The following PXDN variants were observed in gnomAD, a reference collection of about 807,000 sequenced individuals.
PXDN encodes the protein peroxidasin.
A neutral mutation model predicts 140.3 loss-of-function variants in PXDN; 77 were observed. That is an observed-to-expected ratio of 0.55 (90% CI 0.46 to 0.66). The LOEUF (loss-of-function observed/expected upper bound fraction) is 0.66, where lower values mean the gene tolerates loss of function less well. PXDN is among the 30% of genes least tolerant of loss of function. The pLI, the probability that PXDN is intolerant of heterozygous loss-of-function variation, is 0.00. For missense variants in PXDN, 1,838 were observed against 2,039.5 expected (o/e 0.90, Z 1.90); for synonymous variants, 911 against 857.4 (o/e 1.06, Z -1.09).
Position 1,653,058 on chromosome 2 carries a change from C to G in PXDN, c.2104+570G>C, listed in dbSNP as rs1683050900. On this transcript the variant is annotated intron_variant, in intron 16 of 22. Transcript: ENST00000252804. Reference sequence around the variant, plus strand: ...TATGGGTTCATCAATAGTACTACTACCAGCAAGGACAATCGTGACATGTAA... The same window carrying G: ...TATGGGTTCATCAATAGTACTACTAGCAGCAAGGACAATCGTGACATGTAA... 2.0e-5 allele frequency: 4 copies of G among 199,468 alleles called. No individual in the cohort carries two copies. The South Asian group carries it at 4.3e-4, about 21-fold the overall frequency. 12.4% of individuals were successfully genotyped at this position (199,468 alleles called of 1,614,324 possible). A position where few individuals can be genotyped will look rare whatever the true frequency, so the allele number is the denominator to read the frequency against.
intron 11 of PXDN, chr2:1,664,188 C>G (rs991284568): frequency 4.2e-5 from 7 of 166,848 alleles, no homozygotes; most frequent in African/African-American, 4.8e-5. Flanking sequence ...AAAGGGAAAT[C>G]CAGGGCGTGT....
At chr2:1,690,037 G>C (rs550600732) in intron 3 of PXDN, among the ~76,000 whole-genome samples, 39 of 152,316 alleles carry the variant, frequency 2.6e-4, no homozygotes, top group Middle Eastern at 6.8e-3. Context: ...AATTTCAGGA[G>C]AGCTCTTAAG....
In PXDN at chr2:1,638,764, ATG is replaced by A. The variant is rs1380308158; in HGVS notation, c.4206+80_4206+81del. On this transcript the variant is annotated intron_variant, in intron 21 of 22. Coordinates refer to ENST00000252804, the MANE Select transcript of PXDN (RefSeq NM_012293.3). ...AGTTGAACAGTTGCCTGGGAATAAA[ATG>A]CTATACCCAGAAGGTTCGGGCAGGG... 7.2e-4 allele frequency: 1,139 copies of A among 1,585,082 alleles called. 9 individuals carry two copies. The East Asian group carries it at 0.021, about 29-fold the overall frequency.
Position 1,694,457 on chromosome 2 carries a change from G to A in PXDN, c.201-1323C>T, listed in dbSNP as rs115092054. Among the ~76,000 whole-genome samples the A allele has an allele frequency of 3.0e-3, 456 of 152,260 alleles. 3 individuals carry two copies. The highest frequency in any genetic ancestry group is 0.011 in the African/African-American group (442 of 41,544). ...GTGAATGAAATGTGTCCCTCCCAGC[G>A]CCGCCCCTGTGCTGTGGGTCAAGTT... is the stretch of plus-strand genomic sequence containing the variant. On this transcript the variant is annotated intron_variant, in intron 1 of 22. Transcript: ENST00000252804.
chr2:1,642,676 T>C (rs1489251039), intron 19 of PXDN, among the ~76,000 whole-genome samples: 4 of 152,222 alleles, frequency 2.6e-5, no homozygotes, highest in Non-Finnish European at 2.9e-5. Flanking sequence ...TTCAAATTAG[T>C]AATGGAAATG....
chr2:1,655,006 G>A (rs1262943382), intron 14 of PXDN, among the ~76,000 whole-genome samples: 1 of 151,814 alleles, frequency 6.6e-6, no homozygotes, highest in Non-Finnish European at 1.5e-5. Context: ...TCATTACACA[G>A]GGAAACTCCC....
At chr2:1,720,281 CAG>C (rs370658721) in intron 1 of PXDN, among the ~76,000 whole-genome samples, 2 of 57,308 alleles carry the variant, frequency 3.5e-5, no homozygotes, top group Non-Finnish European at 3.3e-5. Context: ...GGGAGGGATG[CAG>C]AGAGAGAGAG....
Position 1,638,998 on chromosome 2 carries a change from G to A in PXDN, c.4074-20C>T. Reference sequence around the variant, plus strand: ...CCAACACTGTGGTGAGGGGAAAGGAGGAGGAGGGAAATATAACCTTGGCAG... The same window carrying A: ...CCAACACTGTGGTGAGGGGAAAGGAAGAGGAGGGAAATATAACCTTGGCAG... On this transcript the variant is annotated intron_variant, in intron 20 of 22. Transcript: ENST00000252804. The A allele has an allele frequency of 6.2e-6, 10 of 1,612,744 alleles. No homozygotes were observed. The highest frequency in any genetic ancestry group is 8.5e-6 in the Non-Finnish European group (10 of 1,178,870).
intron 19 of PXDN, among the ~76,000 whole-genome samples, chr2:1,642,162 T>TG (rs1487634103): frequency 6.6e-6 from 1 of 152,086 alleles, no homozygotes; most frequent in East Asian, 1.9e-4. Context: ...GTGTGGGTGG[T>TG]GGGGGGTGCA....
At position 1,714,316 on chromosome 2, in the gene PXDN, C is replaced by T. The variant is rs1175618560; in HGVS notation, c.201-21182G>A. 1.3e-5 allele frequency among the ~76,000 whole-genome samples: 2 copies of T among 152,178 alleles called. No homozygotes were observed. ...CCAGGAGCCACTCTTGGGAAGGTTCCCCTGTCCCCCGATGGTCCGGCACCC... is the reference window on the plus strand; with the variant it reads ...CCAGGAGCCACTCTTGGGAAGGTTCTCCTGTCCCCCGATGGTCCGGCACCC... On this transcript the variant is annotated intron_variant, in intron 1 of 22. Transcript: ENST00000252804. This position sits in a 1 kb window ranked among gnomAD's most constrained non-coding sequence, Gnocchi z 4.3.
chr2:1,727,165 C>T (rs1247280469), intron 1 of PXDN, among the ~76,000 whole-genome samples: 6 of 152,176 alleles, frequency 3.9e-5, no homozygotes, highest in Admixed American at 6.5e-5. Context: ...TAACCGCTGA[C>T]GCTGACCAAG....
chr2:1,742,047 A>G (rs1685556049), intron 1 of PXDN, among the ~76,000 whole-genome samples: 1 of 152,130 alleles, frequency 6.6e-6, no homozygotes, highest in Admixed American at 6.5e-5. Flanking sequence ...CCGCACAGCT[A>G]CACCCTCACG....
At chr2:1,699,127 T>C (rs754439869) in intron 1 of PXDN, among the ~76,000 whole-genome samples, 17 of 152,202 alleles carry the variant, frequency 1.1e-4, no homozygotes, top group Non-Finnish European at 2.1e-4. Context: ...CACAGAATAG[T>C]TGAAGGTTAG....
rs183932054 is a variant in PXDN at position 1,687,391 on chromosome 2, G to A, written c.416+241C>T. Among the ~76,000 whole-genome samples, 1 of 152,250 alleles carries A rather than the reference G, an allele frequency of 6.6e-6. No homozygotes were observed. The highest frequency in any genetic ancestry group is 6.5e-5 in the Admixed American group (1 of 15,300). On this transcript the variant is annotated intron_variant, in intron 4 of 22. Transcript: ENST00000252804. The surrounding 1 kb of genome is among the most constrained non-coding windows in gnomAD (Gnocchi z 4.0). ...AAAGCATGGCCCAGGGCCTGGTGCC[G>A]CCGTAAGGAAACCAGGGATACGTCC...
intron 1 of PXDN, among the ~76,000 whole-genome samples, chr2:1,723,517 TAGA>T (rs1332418194): frequency 1.3e-5 from 2 of 151,996 alleles, no homozygotes; most frequent in Non-Finnish European, 2.9e-5. Flanking sequence ...AATGGATAGA[TAGA>T]AGAATAGATG....
chr2:1,660,815 C>T lies in PXDN; in HGVS notation c.1837+66G>A. On this transcript the variant is annotated intron_variant, in intron 14 of 22. Coordinates refer to ENST00000252804, the MANE Select transcript of PXDN (RefSeq NM_012293.3). The surrounding 1 kb of genome is among the most constrained non-coding windows in gnomAD (Gnocchi z 4.6). ...GCCTAAGTCAACTGGCCTGGGACCA[C>T]ACTAGGGACCTGCGGGCTTTCTTTG... 1 of 1,551,378 alleles carries T rather than the reference C, an allele frequency of 6.4e-7. No homozygotes were observed. Among genetic ancestry groups the T allele is most frequent in the Non-Finnish European group, 8.7e-7 (1 of 1,145,860 alleles).
chr2:1,680,486 G>A (rs1683872267), intron 6 of PXDN, 124 bp from the exon 7 acceptor site: 1 of 1,195,486 alleles, frequency 8.4e-7, no homozygotes, highest in South Asian at 1.3e-5. Context: ...CTTGCGACAT[G>A]GGGATGGGAC....
intron 2 of PXDN, chr2:1,692,709 G>A: frequency 2.3e-6 from 1 of 437,322 alleles, no homozygotes; most frequent in Non-Finnish European, 4.6e-6. Flanking sequence ...GCACTGTCCT[G>A]CTCAATCTTG....
chr2:1,668,277 T>A (rs1226528345), intron 9 of PXDN, among the ~76,000 whole-genome samples: 1 of 152,222 alleles, frequency 6.6e-6, no homozygotes, highest in East Asian at 1.9e-4. Flanking sequence ...GATCCCTTCC[T>A]TACACCTTAT....
Sources: allele counts gnomAD v4.1 joint callset (sites outside exome capture counted in the v4.1 genomes callset), GRCh38; gene constraint gnomAD v4.1.1; non-coding constraint Gnocchi (gnomAD v3.1); transcripts MANE v1.5; gene names NCBI Gene and HGNC (gene_info 2026-07-23, HGNC 2026-07-21).